The following GALNT13 variants were observed in gnomAD, a reference collection of about 807,000 sequenced individuals.
The protein encoded by GALNT13 is polypeptide N-acetylgalactosaminyltransferase 13.
In GALNT13, 28 loss-of-function variants were observed where a neutral mutation model predicts 64.2. The observed-to-expected ratio is 0.44, with a 90% CI of 0.32 to 0.60. The LOEUF is 0.60. Ranked by LOEUF, GALNT13 falls within the 20% of genes least tolerant of loss-of-function variation. The pLI is 0.05. For missense variants in GALNT13, 577 were observed against 669.8 expected (o/e 0.86, Z 1.53); for synonymous variants, 214 against 224.6 (o/e 0.95, Z 0.42).
the GALNT13 span, among the ~76,000 whole-genome samples, chr2:153,504,063 T>C: frequency 3.3e-5 from 5 of 152,222 alleles, no homozygotes; most frequent in African/African-American, 7.2e-5. Context: ...GTGATTTCTT[T>C]CAGCAGTGTT....
intron 4 of GALNT13, among the ~76,000 whole-genome samples, chr2:154,145,766 TA>T (rs1683555030): frequency 6.6e-6 from 1 of 151,974 alleles, no homozygotes; most frequent in Admixed American, 6.6e-5. Flanking sequence ...ATTTACTACA[TA>T]AAGTAGGAAT....
At chr2:153,947,822 A>G (rs1691877363) in intron 3 of GALNT13, among the ~76,000 whole-genome samples, 1 of 152,056 alleles carries the variant, frequency 6.6e-6, no homozygotes, top group Non-Finnish European at 1.5e-5. Flanking sequence ...TGGGTTTTAC[A>G]TTCAAGTCTT....
At chr2:153,781,093 G>C in the GALNT13 span, among the ~76,000 whole-genome samples, 1 of 152,108 alleles carries the variant, frequency 6.6e-6, no homozygotes, top group Non-Finnish European at 1.5e-5. Flanking sequence ...GGGTGACAGA[G>C]GTTAATAATC....
At chr2:153,594,798 T>C in the GALNT13 span, among the ~76,000 whole-genome samples, 3 of 152,264 alleles carry the variant, frequency 2.0e-5, no homozygotes, top group South Asian at 2.1e-4. Context: ...AAATGTAATC[T>C]TTCATTATCC....
the GALNT13 span, among the ~76,000 whole-genome samples, chr2:153,201,171 T>C: frequency 6.6e-6 from 1 of 152,176 alleles, no homozygotes; most frequent in Non-Finnish European, 1.5e-5. Context: ...GTCCCTGCAG[T>C]GGGAATAATA....
intron 10 of GALNT13, among the ~76,000 whole-genome samples, chr2:154,405,693 G>A (rs1041129946): frequency 2.9e-4 from 44 of 151,992 alleles, no homozygotes; most frequent in Non-Finnish European, 4.3e-4. Context: ...CAGCCTGGGC[G>A]ACAGAGTGAG....
chr2:154,175,636 G>C (rs1314145702), intron 4 of GALNT13, among the ~76,000 whole-genome samples: 9 of 152,106 alleles, frequency 5.9e-5, no homozygotes, highest in Admixed American at 5.9e-4. Flanking sequence ...GAAACCCTCT[G>C]AGAATTAATT....
chr2:153,423,215 C>T, the GALNT13 span, among the ~76,000 whole-genome samples: 7 of 151,406 alleles, frequency 4.6e-5, no homozygotes, highest in African/African-American at 9.7e-5. Context: ...AATGTTAAAA[C>T]GTGATAAATT....
chr2:154,014,377 C>G (rs1020328556), intron 3 of GALNT13, among the ~76,000 whole-genome samples: 3 of 151,950 alleles, frequency 2.0e-5, no homozygotes, highest in African/African-American at 7.2e-5. Context: ...CACCCCTTCC[C>G]CAGTATTCAC....
the GALNT13 span, among the ~76,000 whole-genome samples, chr2:153,638,454 GTAGTA>G: frequency 1.4e-4 from 3 of 20,992 alleles, 1 homozygote; most frequent in African/African-American, 3.1e-4. Flanking sequence ...TAGTAAAAAA[GTAGTA>G]CAGTTAAGGA....
At chr2:154,268,845 G>A (rs1319360960) in intron 8 of GALNT13, among the ~76,000 whole-genome samples, 1 of 151,988 alleles carries the variant, frequency 6.6e-6, no homozygotes, top group Non-Finnish European at 1.5e-5. Flanking sequence ...ACTCATTAAA[G>A]CTGTTTATAA....
chr2:153,644,126 G>C, the GALNT13 span, among the ~76,000 whole-genome samples: 1 of 151,918 alleles, frequency 6.6e-6, no homozygotes, highest in African/African-American at 2.4e-5. Flanking sequence ...ATTATTTGTA[G>C]GTGATATGAT....
the GALNT13 span, among the ~76,000 whole-genome samples, chr2:153,241,286 CA>C: frequency 6.6e-6 from 1 of 152,134 alleles, no homozygotes; most frequent in South Asian, 2.1e-4. Flanking sequence ...CCAGTTGGAT[CA>C]AAACCAACAG....
chr2:153,255,038 C>G, the GALNT13 span, among the ~76,000 whole-genome samples: 2 of 152,066 alleles, frequency 1.3e-5, no homozygotes, highest in African/African-American at 2.4e-5. Context: ...AACTTTCTGT[C>G]TCGTTGATCT....
At chr2:153,188,945 G>A in the GALNT13 span, among the ~76,000 whole-genome samples, 6 of 152,060 alleles carry the variant, frequency 3.9e-5, no homozygotes, top group African/African-American at 1.4e-4. Context: ...ATCACTACAA[G>A]CATTTATCAT....
chr2:154,171,071 A>G (rs1685320350), intron 4 of GALNT13, among the ~76,000 whole-genome samples: 1 of 152,130 alleles, frequency 6.6e-6, no homozygotes, highest in African/African-American at 2.4e-5. Context: ...AGCCCATAGT[A>G]TCTTCCTGGC....
At chr2:154,215,402 G>A (rs944109203) in intron 4 of GALNT13, among the ~76,000 whole-genome samples, 1 of 152,038 alleles carries the variant, frequency 6.6e-6, no homozygotes, top group Admixed American at 6.6e-5. Flanking sequence ...GATAAACACA[G>A]TGCCTCACTG....
At chr2:153,725,948 C>T in the GALNT13 span, among the ~76,000 whole-genome samples, 505 of 151,880 alleles carry the variant, frequency 3.3e-3, 2 homozygotes, top group East Asian at 0.021. Flanking sequence ...AATATTTTTT[C>T]GTATGAAGTG....
chr2:153,895,601 C>T (rs1687836879), intron 1 of GALNT13, among the ~76,000 whole-genome samples: 1 of 152,016 alleles, frequency 6.6e-6, no homozygotes, highest in Admixed American at 6.6e-5. Context: ...CATCAGCAGG[C>T]AACAAACACT....
Sources: allele counts gnomAD v4.1 joint callset (sites outside exome capture counted in the v4.1 genomes callset), GRCh38; gene constraint gnomAD v4.1.1; transcripts MANE v1.5; gene names NCBI Gene and HGNC (gene_info 2026-07-23, HGNC 2026-07-21).